The following ABHD3 variants were observed in gnomAD, a reference collection of about 807,000 sequenced individuals.
ABHD3 encodes the protein phospholipase ABHD3.
A neutral mutation model predicts 48.8 loss-of-function variants in ABHD3; 46 were observed. The observed-to-expected ratio is 0.94, with a 90% confidence interval of 0.74 to 1.20. The LOEUF is 1.20. Ranked by LOEUF, ABHD3 falls within the 50% of genes most tolerant of loss-of-function variation. The pLI is 0.00. For missense variants in ABHD3, 490 were observed against 497.8 expected (o/e 0.98, Z 0.15); for synonymous variants, 192 against 183.7 (o/e 1.04, Z -0.36).
At chr18:21,703,972 A>C in intron 1 of ABHD3, 2 of 541,346 alleles carry the variant, frequency 3.7e-6, no homozygotes, top group African/African-American at 3.8e-5. Context: ...GTTTGTTTTT[A>C]ACTCCGCCTC....
At chr18:21,664,008 C>A in intron 5 of ABHD3, 110 bp downstream of exon 5, 1 of 1,439,802 alleles carries the variant, frequency 6.9e-7, no homozygotes, top group Non-Finnish European at 9.1e-7. Context: ...TAAACATAAT[C>A]AGACATTTAT....
intron 4 of ABHD3, chr18:21,664,627 CT>C (rs944182586): frequency 1.7e-3 from 271 of 157,942 alleles, no homozygotes; most frequent in Admixed American, 3.4e-3. Context: ...ACAAAATAAC[CT>C]TTTTTTTTGT....
intron 6 of ABHD3, among the ~76,000 whole-genome samples, chr18:21,658,167 A>G (rs1251665459): frequency 6.6e-6 from 1 of 152,100 alleles, no homozygotes; most frequent in African/African-American, 2.4e-5. Flanking sequence ...ACTGCACTCA[A>G]GCCTGGGCAA....
chr18:21,693,394 G>A lies in ABHD3; in HGVS notation c.509+8922C>T, dbSNP rs111676720. On this transcript the variant is annotated intron_variant, in intron 3 of 8. Coordinates refer to ENST00000289119, the MANE Select transcript of ABHD3 (RefSeq NM_138340.5). Reference sequence around the variant, plus strand: ...GTAGTGTATGACAGAGTTAGGATCTGAACCCAGGCAGATCCGACTCAAGAA... The same window carrying A: ...GTAGTGTATGACAGAGTTAGGATCTAAACCCAGGCAGATCCGACTCAAGAA... Among the ~76,000 whole-genome samples, 913 of 152,262 alleles carry A rather than the reference G, an allele frequency of 6.0e-3. 4 individuals are homozygous for A. The highest frequency in any genetic ancestry group is 1.0e-2 in the Non-Finnish European group (678 of 68,006).
chr18:21,680,872 GTGTGTGTGTA>G (rs926707580), intron 4 of ABHD3, among the ~76,000 whole-genome samples: 30 of 151,224 alleles, frequency 2.0e-4, no homozygotes, highest in South Asian at 4.2e-4. Flanking sequence ...GTGTGTGTGT[GTGTGTGTGTA>G]TATATATATA....
intron 4 of ABHD3, among the ~76,000 whole-genome samples, chr18:21,676,578 AC>A (rs2039887431): frequency 6.6e-6 from 1 of 152,190 alleles, no homozygotes; most frequent in African/African-American, 2.4e-5. Context: ...TTCAGTAGAG[AC>A]AGGGTTTCAC....
At position 21,703,685 on chromosome 18, in the gene ABHD3, C is replaced by G; in HGVS notation, c.225G>C (p.Val75=). ...CCGTCGGGTAGTACGTTTCTGTAAC[C>G]ACGGGACAGTGGTCTTGAAGGAAGC... ...FSRFLQDHCP[V]VTETYYPTVW... is the part of the protein sequence containing the mutation. Residue 75 remains valine, a synonymous_variant, in exon 2 of 9, where the codon GTG becomes GTC. Coordinates refer to ENST00000289119, the MANE Select transcript of ABHD3 (RefSeq NM_138340.5). 1 of 1,614,090 alleles carries G rather than the reference C, an allele frequency of 6.2e-7. No individual in the cohort carries two copies. Among genetic ancestry groups the G allele is most frequent in the Non-Finnish European group, 8.5e-7 (1 of 1,180,028 alleles).
rs753931161 is a variant in ABHD3 at position 21,659,182 on chromosome 18, G to T, written c.830C>A (p.Ser277Tyr). 7.4e-6 allele frequency: 12 copies of T among 1,613,028 alleles called. No individual in the cohort carries two copies. Among genetic ancestry groups the T allele is most frequent in the South Asian group, 3.3e-5 (3 of 90,842 alleles). Residue 277 changes from serine (S) to tyrosine (Y), a missense_variant, in exon 6 of 9, where the codon TCT becomes TAT. Transcript: ENST00000289119. ...FNYYLTTCLQ[S>Y]SVNKHRHMFV... is the part of the protein sequence containing the mutation. ...AAAGATGACTCACTTATTAACTGAAGACTGAAGGCAGGTTGTCAAATAGTA... is the reference window on the plus strand; with the variant it reads ...AAAGATGACTCACTTATTAACTGAATACTGAAGGCAGGTTGTCAAATAGTA...
chr18:21,678,690 T>C (rs11873378), intron 4 of ABHD3, among the ~76,000 whole-genome samples: 3,009 of 152,226 alleles, frequency 0.02, 96 homozygotes, highest in African/African-American at 0.065. Flanking sequence ...TAGCTTGGAT[T>C]CCTATCCTTG....
intron 4 of ABHD3, among the ~76,000 whole-genome samples, chr18:21,673,858 G>C (rs1055587218): frequency 6.6e-6 from 1 of 152,048 alleles, no homozygotes; most frequent in South Asian, 2.1e-4. Context: ...CACCCGCCTC[G>C]GCCTCTCAAG....
Position 21,656,957 on chromosome 18 carries a change from AATC to A in ABHD3, c.958_960del (p.Asp320del). On this transcript the variant is annotated inframe_deletion, in exon 8 of 9. Transcript: ENST00000289119. ...GGACTCGGACTGGCATCAGTATAATAATCATCAATTGTTTGGTATCCAAACATG... is the reference window on the plus strand; with the variant it reads ...GGACTCGGACTGGCATCAGTATAATAATCAATTGTTTGGTATCCAAACATG... 1 of 1,614,088 alleles carries A rather than the reference AATC, an allele frequency of 6.2e-7. No individual in the cohort carries two copies. Among genetic ancestry groups the A allele is most frequent in the Non-Finnish European group, 8.5e-7 (1 of 1,179,982 alleles).
At chr18:21,689,249 T>G (rs750817137) in intron 3 of ABHD3, among the ~76,000 whole-genome samples, 2 of 151,960 alleles carry the variant, frequency 1.3e-5, no homozygotes, top group Non-Finnish European at 2.9e-5. Context: ...AAAAGTTGGA[T>G]AGAAATGCGC....
intron 5 of ABHD3, chr18:21,663,904 C>T: frequency 6.9e-7 from 1 of 1,440,948 alleles, no homozygotes; most frequent in Non-Finnish European, 9.0e-7. Context: ...TCCGCAGTCA[C>T]AGAGACCCGT....
rs1354788488 is a variant in ABHD3 at position 21,651,559 on chromosome 18, G to A, written c.*32C>T. ...AAGCTGAGCTGCCTTCACAATTGTG[G>A]TTCAGACAAAATGCACCCAAAGAAC... On this transcript the variant is annotated 3_prime_UTR_variant, in exon 9 of 9. Transcript: ENST00000289119. 6.2e-7 allele frequency: 1 copy of A among 1,611,918 alleles called. No individual in the cohort carries two copies. The highest frequency in any genetic ancestry group is 1.7e-5 in the Admixed American group (1 of 59,628).
chr18:21,696,262 A>G (rs1264191936), intron 3 of ABHD3, among the ~76,000 whole-genome samples: 1 of 150,918 alleles, frequency 6.6e-6, no homozygotes, highest in Non-Finnish European at 1.5e-5. Context: ...TCCTGCCTCA[A>G]CCTCTCAAGT....
At chr18:21,690,975 G>A (rs1206475016) in intron 3 of ABHD3, among the ~76,000 whole-genome samples, 4 of 121,612 alleles carry the variant, frequency 3.3e-5, no homozygotes, top group Admixed American at 2.2e-4. Flanking sequence ...AGCCCAGGTC[G>A]ACAACAGTGA....
chr18:21,662,797 A>G (rs1442984433), intron 5 of ABHD3, among the ~76,000 whole-genome samples: 1 of 152,224 alleles, frequency 6.6e-6, no homozygotes, highest in Non-Finnish European at 1.5e-5. Context: ...TTCTGCCTTC[A>G]GGCACTGAGG....
At chr18:21,684,265 T>C (rs2040075921) in intron 3 of ABHD3, among the ~76,000 whole-genome samples, 1 of 151,858 alleles carries the variant, frequency 6.6e-6, no homozygotes, top group Non-Finnish European at 1.5e-5. Flanking sequence ...CTCCAACAAG[T>C]GTTTTTAAAA....
chr18:21,704,049 G>A (rs1375122669), intron 1 of ABHD3, among the ~76,000 whole-genome samples: 1 of 152,130 alleles, frequency 6.6e-6, no homozygotes, highest in Non-Finnish European at 1.5e-5. Flanking sequence ...CCGCCACCAC[G>A]CCCGGCTAAT....
Sources: allele counts gnomAD v4.1 joint callset (sites outside exome capture counted in the v4.1 genomes callset), GRCh38; gene constraint gnomAD v4.1.1; transcripts MANE v1.5; gene names NCBI Gene and HGNC (gene_info 2026-07-23, HGNC 2026-07-21).